The following SLC26A7 variants were observed in gnomAD, a reference collection of about 807,000 sequenced individuals.
SLC26A7 encodes the protein anion exchange transporter.
SLC26A7 carries 59 observed loss-of-function variants against 82.5 expected under a neutral mutation model. The ratio of observed to expected loss-of-function variants is 0.72; its 90% CI spans 0.58 to 0.89. The LOEUF (loss-of-function observed/expected upper bound fraction) is 0.89, where lower values mean the gene tolerates loss of function less well. SLC26A7 is among the 40% of genes least tolerant of loss of function. The probability of loss-of-function intolerance (pLI) is 0.00; values close to 1 mark genes in which losing one functional copy is unlikely to be tolerated. For synonymous variants in SLC26A7, 271 were observed against 274.3 expected (o/e 0.99, Z 0.12); for missense variants, 820 against 793.0 (o/e 1.03, Z -0.41).
intron 15 of SLC26A7, among the ~76,000 whole-genome samples, chr8:91,384,154 T>C (rs1814737269): frequency 3.3e-5 from 5 of 152,184 alleles, no homozygotes; most frequent in Admixed American, 3.3e-4. Flanking sequence ...AGTCTGGAGA[T>C]AAAATCAAGT....
intron 2 of SLC26A7, among the ~76,000 whole-genome samples, chr8:91,266,418 T>C (rs572506895): frequency 6.6e-6 from 1 of 152,096 alleles, no homozygotes; most frequent in South Asian, 2.1e-4. Context: ...ATCTATGTTC[T>C]ATAGTTTTTG....
At chr8:91,349,174 A>C (rs1176626806) in intron 9 of SLC26A7, among the ~76,000 whole-genome samples, 1 of 152,190 alleles carries the variant, frequency 6.6e-6, no homozygotes. Context: ...GTCTGATTAG[A>C]TGAACTTATC....
At chr8:91,351,069 T>C (rs1278770390) in intron 9 of SLC26A7, among the ~76,000 whole-genome samples, 1 of 152,158 alleles carries the variant, frequency 6.6e-6, no homozygotes, top group African/African-American at 2.4e-5. Flanking sequence ...CCATGGCCTG[T>C]GAAAGCCTTC....
chr8:91,295,659 A>G lies in SLC26A7; in HGVS notation c.433A>G (p.Ile145Val). 1 of 1,614,116 alleles carries G rather than the reference A, an allele frequency of 6.2e-7. No homozygotes were observed. Among genetic ancestry groups the G allele is most frequent in the South Asian group, 1.1e-5 (1 of 91,066 alleles). ...LGLSDFEMQR[I>V]HVAAAVSFLG... ...CTTATCCGACTTTGAAATGCAAAGG[A>G]TCCACGTTGCTGCAGCAGTTTCCTT... Residue 145 changes from isoleucine (I) to valine (V), a missense_variant, in exon 4 of 19, where the codon ATC (isoleucine) becomes GTC (valine). By Grantham distance (29) the Ile-to-Val change is conservative. Transcript: ENST00000276609.
chr8:91,394,957 G>A (rs975094482), intron 18 of SLC26A7, 105 bp from the exon 19 acceptor site: 2 of 1,324,302 alleles, frequency 1.5e-6, no homozygotes, highest in Non-Finnish European at 2.2e-6. Flanking sequence ...CATTTTCTTT[G>A]GCTTAGCTGG....
At chr8:91,279,157 A>G (rs1029850673) in intron 2 of SLC26A7, among the ~76,000 whole-genome samples, 5 of 114,928 alleles carry the variant, frequency 4.4e-5, no homozygotes, top group African/African-American at 1.9e-4. Flanking sequence ...ATATATATAT[A>G]TATATATATG....
chr8:91,222,090 C>T (rs563556659), intron 2 of SLC26A7, among the ~76,000 whole-genome samples: 1 of 152,194 alleles, frequency 6.6e-6, no homozygotes, highest in South Asian at 2.1e-4. Context: ...GCTTTCATGT[C>T]CCTTGTAAGT....
chr8:91,306,164 T>C (rs1461695070), intron 4 of SLC26A7, among the ~76,000 whole-genome samples: 1 of 152,210 alleles, frequency 6.6e-6, no homozygotes, highest in Non-Finnish European at 1.5e-5. Flanking sequence ...ATCCTCATAC[T>C]CTTCCCTCCT....
chr8:91,363,939 TTG>T (rs1412534531), intron 13 of SLC26A7, among the ~76,000 whole-genome samples: 118 of 122,916 alleles, frequency 9.6e-4, no homozygotes, highest in African/African-American at 4.0e-3. Context: ...GTTCATGGTA[TTG>T]TTTTTTTTTT....
chr8:91,313,250 C>G (rs1423672189), intron 4 of SLC26A7, among the ~76,000 whole-genome samples: 2 of 152,122 alleles, frequency 1.3e-5, no homozygotes, highest in Admixed American at 6.6e-5. Context: ...ACTGTCCTTT[C>G]CTTCATTGAA....
At chr8:91,252,209 C>T (rs940495423) in intron 2 of SLC26A7, among the ~76,000 whole-genome samples, 5 of 151,956 alleles carry the variant, frequency 3.3e-5, no homozygotes, top group African/African-American at 9.7e-5. Context: ...GTCCAATTTA[C>T]TGTTTCTTGA....
chr8:91,289,314 C>T (rs1437682260), intron 3 of SLC26A7, 68 bp downstream of exon 3: 15 of 1,215,564 alleles, frequency 1.2e-5, no homozygotes, highest in Non-Finnish European at 1.7e-5. Flanking sequence ...TTACTGATTA[C>T]ATCTCCTTAG....
chr8:91,302,450 A>G (rs146630561), intron 4 of SLC26A7, among the ~76,000 whole-genome samples: 57 of 152,202 alleles, frequency 3.7e-4, no homozygotes, highest in Non-Finnish European at 7.2e-4. Flanking sequence ...CTTCTCTGTT[A>G]CCATTTGATT....
At chr8:91,367,990 C>A (rs775085410) in intron 14 of SLC26A7, among the ~76,000 whole-genome samples, 2 of 152,134 alleles carry the variant, frequency 1.3e-5, no homozygotes, top group South Asian at 2.1e-4. Flanking sequence ...GGATCAGATA[C>A]GTAATTTACA....
rs1394146066 is a variant in SLC26A7, at chr8:91,351,819, C to G, written c.1150C>G (p.Leu384Val). 2 of 1,610,818 alleles carry G rather than the reference C, an allele frequency of 1.2e-6. No homozygotes were observed. Among genetic ancestry groups the G allele is most frequent in the Non-Finnish European group, 1.7e-6 (2 of 1,177,598 alleles). ...STGAKTQVAC[L>V]ISCIFVLIVI... ...GTCTTGTATTTTACAGGTGGCTTGT[C>G]TAATATCTTGCATTTTCGTCCTTAT... Residue 384 changes from leucine (L) to valine (V), a missense_variant, in exon 10 of 19, where the codon CTA becomes GTA. Coordinates refer to ENST00000276609, the MANE Select transcript of SLC26A7 (RefSeq NM_052832.4).
At chr8:91,266,075 A>G (rs1383970236) in intron 2 of SLC26A7, among the ~76,000 whole-genome samples, 1 of 151,856 alleles carries the variant, frequency 6.6e-6, no homozygotes, top group African/African-American at 2.4e-5. Context: ...TTTGGGTATT[A>G]CATTTAAGTC....
chr8:91,343,257 A>G, intron 8 of SLC26A7, 96 bp from the exon 9 acceptor site: 2 of 746,782 alleles, frequency 2.7e-6, no homozygotes. Flanking sequence ...ACAAAATCTG[A>G]ATACAAACAA....
intron 15 of SLC26A7, 96 bp downstream of exon 15, chr8:91,369,929 C>G: frequency 1.1e-6 from 1 of 922,308 alleles, no homozygotes; most frequent in Non-Finnish European, 1.7e-6. Context: ...TCATCTGCCT[C>G]CCTCTTCTGT....
chr8:91,319,824 A>G (rs537918446), intron 5 of SLC26A7, among the ~76,000 whole-genome samples: 1 of 152,346 alleles, frequency 6.6e-6, no homozygotes, highest in South Asian at 2.1e-4. Context: ...CTTGAATCAT[A>G]TCTGCATACA....
Sources: allele counts gnomAD v4.1 joint callset (sites outside exome capture counted in the v4.1 genomes callset), GRCh38; gene constraint gnomAD v4.1.1; transcripts MANE v1.5; gene names NCBI Gene and HGNC (gene_info 2026-07-23, HGNC 2026-07-21).